Variants in ARID1A observed in about 807,000 individuals in gnomAD.
ARID1A encodes the protein AT-rich interaction domain 1A.
Under a neutral mutation model 212.6 loss-of-function variants are expected in ARID1A, and 20 were observed. The ratio of observed to expected loss-of-function variants is 0.09; its 90% confidence interval spans 0.07 to 0.14. The LOEUF is 0.14. Among genes scored for constraint, ARID1A ranks in the 10% least tolerant of loss-of-function variants. The pLI is 1.00. For synonymous variants in ARID1A, 1,376 were observed against 1,222.1 expected (o/e 1.13, Z -2.63); for missense variants, 2,587 against 3,059.0 (o/e 0.85, Z 3.64).
Position 26,773,755 on chromosome 1 carries a change from G to A in ARID1A, c.4004+38G>A, listed in dbSNP as rs775882061. 44 of 1,614,028 alleles carry A rather than the reference G, an allele frequency of 2.7e-5. No individual in the cohort carries two copies. In the Middle Eastern group the frequency reaches 9.9e-4, roughly 36 times the overall value. On this transcript the variant is annotated intron_variant, in intron 16 of 19. Coordinates refer to ENST00000324856, the MANE Select transcript of ARID1A (RefSeq NM_006015.6). ...TGGTCTCGGTGCTGCTATGGATCAG[G>A]CTTCGCCACTGCCCACCCTAATCCT... is the stretch of plus-strand genomic sequence containing the variant.
Position 26,704,592 on chromosome 1 carries a change from T to A in ARID1A, c.1137+7052T>A, listed in dbSNP as rs2080369783. Among the ~76,000 whole-genome samples, 4 of 152,268 alleles carry A rather than the reference T, an allele frequency of 2.6e-5. No homozygotes were observed. The South Asian group carries it at 8.3e-4, about 32-fold the overall frequency. On this transcript the variant is annotated intron_variant, in intron 1 of 19. Transcript: ENST00000324856. ...ACTGTTTTTGGCCGGGCGCGGTAGC[T>A]CACACCTATAATCCCAGCACTTTGG...
At chr1:26,715,449 A>G (rs2080493601) in intron 1 of ARID1A, among the ~76,000 whole-genome samples, 1 of 152,204 alleles carries the variant, frequency 6.6e-6, no homozygotes, top group African/African-American at 2.4e-5. Flanking sequence ...ATCCATACCA[A>G]GGACCTTTTC....
At chr1:26,772,195 C>T in intron 12 of ARID1A, 1 of 384,584 alleles carries the variant, frequency 2.6e-6, no homozygotes, top group Non-Finnish European at 4.8e-6. Flanking sequence ...TAGACAAGGT[C>T]CTTTGGCGGA....
chr1:26,728,465 C>G (rs1419162408), intron 1 of ARID1A, among the ~76,000 whole-genome samples: 1 of 152,142 alleles, frequency 6.6e-6, no homozygotes. Flanking sequence ...TATAGAATAG[C>G]TTATTAATTA....
At position 26,771,455 on chromosome 1, in the gene ARID1A, C is replaced by G; in HGVS notation, c.3406+129C>G. 1.0e-6 allele frequency: 1 copy of G among 980,114 alleles called. No homozygotes were observed. The highest frequency in any genetic ancestry group is 1.5e-6 in the Non-Finnish European group (1 of 668,690). The allele number at this position is 980,114 out of a possible 1,614,324, so 60.7% of individuals were successfully genotyped here. ...ATCTGTGCTCTGCCTTGCCCTACCA[C>G]AGGGCTTAACAGGTTGGCTGACTAG... On this transcript the variant is annotated intron_variant, in intron 12 of 19. Transcript: ENST00000324856. This position sits in a 1 kb window ranked among gnomAD's most constrained non-coding sequence, Gnocchi z 5.4.
intron 1 of ARID1A, among the ~76,000 whole-genome samples, chr1:26,727,416 A>T (rs548127691): frequency 3.3e-5 from 5 of 152,228 alleles, no homozygotes; most frequent in Admixed American, 6.5e-5. Context: ...TTAAATGTAA[A>T]TAAAAATAAA....
intron 19 of ARID1A, among the ~76,000 whole-genome samples, chr1:26,776,430 C>T (rs1386010391): frequency 1.3e-5 from 2 of 151,942 alleles, no homozygotes; most frequent in African/African-American, 4.8e-5. Flanking sequence ...CCCGCCACCA[C>T]GCTCGGCTAA....
chr1:26,720,788 C>A (rs1351843222), intron 1 of ARID1A, among the ~76,000 whole-genome samples: 29 of 151,202 alleles, frequency 1.9e-4, no homozygotes, highest in Non-Finnish European at 1.5e-5. Context: ...CACCTGAGCC[C>A]AGGATAGGAG....
chr1:26,699,562 C>A (rs532504123), intron 1 of ARID1A, among the ~76,000 whole-genome samples: 68 of 152,302 alleles, frequency 4.5e-4, no homozygotes, highest in East Asian at 9.6e-4. Context: ...GATTCTACAT[C>A]TTCCATGATG....
rs978637053 is a variant in ARID1A, at chr1:26,773,066, T to A, written c.3715+79T>A. 5 of 1,535,482 alleles carry A rather than the reference T, an allele frequency of 3.3e-6. No homozygotes were observed. In the Admixed American group the frequency reaches 9.5e-5, roughly 29 times the overall value. ...AATGGGGGGAAATCTTGAGAATGGCTCAGGGTTCTTGTGGAGCCATCCTCT... is the reference window on the plus strand; with the variant it reads ...AATGGGGGGAAATCTTGAGAATGGCACAGGGTTCTTGTGGAGCCATCCTCT... On this transcript the variant is annotated intron_variant, in intron 14 of 19. Coordinates refer to ENST00000324856, the MANE Select transcript of ARID1A (RefSeq NM_006015.6).
chr1:26,753,312 G>A (rs984988300), intron 4 of ARID1A: 1 of 152,306 alleles, frequency 6.6e-6, no homozygotes, highest in African/African-American at 2.4e-5. Context: ...GCTGAGTTCT[G>A]TTTGTTAGCA....
intron 1 of ARID1A, among the ~76,000 whole-genome samples, chr1:26,708,738 A>G (rs2080419947): frequency 6.6e-6 from 1 of 151,668 alleles, no homozygotes; most frequent in Non-Finnish European, 1.5e-5. Context: ...TCTGTCGCCC[A>G]GGCTGGAGTG....
At chr1:26,743,128 C>T (rs926549532) in intron 4 of ARID1A, among the ~76,000 whole-genome samples, 2 of 152,176 alleles carry the variant, frequency 1.3e-5, no homozygotes, top group African/African-American at 4.8e-5. Flanking sequence ...TTACCCAGTT[C>T]AGAACCCATA....
At chr1:26,762,042 G>C in intron 6 of ARID1A, 110 bp from the exon 7 acceptor site, 1 of 1,247,576 alleles carries the variant, frequency 8.0e-7, no homozygotes, top group Non-Finnish European at 1.1e-6. Context: ...GAGACTCCAT[G>C]CAAGTGGCTG....
At chr1:26,711,176 T>C (rs1459174392) in intron 1 of ARID1A, among the ~76,000 whole-genome samples, 1 of 151,938 alleles carries the variant, frequency 6.6e-6, no homozygotes, top group Non-Finnish European at 1.5e-5. Context: ...TGGTGCAATC[T>C]CAGCTCATTG....
rs2124784874 is a variant in ARID1A at position 26,729,683 on chromosome 1, G to T, written c.1170G>T (p.Met390Ile). ...GTCCAATGGATCAGATGGGCAAGAT[G>T]AGACCTCAGCCATATGGCGGGACTA... ...PSSPMDQMGK[M>I]RPQPYGGTNP... is the part of the protein sequence containing the mutation. The change falls in exon 2 of 20, where the codon ATG becomes ATT. Residue 390 changes from methionine (M) to isoleucine (I), a missense_variant. Coordinates refer to ENST00000324856, the MANE Select transcript of ARID1A (RefSeq NM_006015.6). 5 of 1,614,264 alleles carry T rather than the reference G, an allele frequency of 3.1e-6. No homozygotes were observed. Among genetic ancestry groups the T allele is most frequent in the Non-Finnish European group, 4.2e-6 (5 of 1,180,054 alleles).
chr1:26,751,342 A>AT (rs1003638308), intron 4 of ARID1A, among the ~76,000 whole-genome samples: 2 of 152,130 alleles, frequency 1.3e-5, no homozygotes, highest in African/African-American at 4.8e-5. Flanking sequence ...AAAGGAGTTA[A>AT]GTGAGCCTCG....
In ARID1A at chr1:26,731,552, CTCAGCAGTCCCAGCA is replaced by C. The variant is rs1160373789; in HGVS notation, c.1752_1766del (p.Gln585_Gln589del). The C allele has an allele frequency of 6.2e-7, 1 of 1,614,040 alleles. No individual in the cohort carries two copies. Among genetic ancestry groups the C allele is most frequent in the Non-Finnish European group, 8.5e-7 (1 of 1,180,038 alleles). ...CAGGCTGCGTATCCTCAGCCCCAGT[CTCAGCAGTCCCAGCA>C]AACTGCCTATTCCCAGCAGCGCTTC... is the stretch of plus-strand genomic sequence containing the variant. On this transcript the variant is annotated inframe_deletion, in exon 3 of 20. Coordinates refer to ENST00000324856, the MANE Select transcript of ARID1A (RefSeq NM_006015.6).
intron 4 of ARID1A, among the ~76,000 whole-genome samples, chr1:26,745,815 G>C (rs1174914659): frequency 1.3e-5 from 2 of 152,234 alleles, no homozygotes; most frequent in African/African-American, 4.8e-5. Flanking sequence ...ACTTTGGGAG[G>C]TTGAGGCGGT....
Sources: allele counts gnomAD v4.1 joint callset (sites outside exome capture counted in the v4.1 genomes callset), GRCh38; gene constraint gnomAD v4.1.1; non-coding constraint Gnocchi (gnomAD v3.1); transcripts MANE v1.5; gene names NCBI Gene and HGNC (gene_info 2026-07-23, HGNC 2026-07-21).